The following UST variants were observed in gnomAD, a reference collection of about 807,000 sequenced individuals.
The protein encoded by UST is chondroitin sulfate 2-O-sulfotransferase.
In UST, 21 loss-of-function variants were observed where a neutral mutation model predicts 45.6. The observed-to-expected ratio is 0.46, with a 90% CI of 0.33 to 0.66. The LOEUF (loss-of-function observed/expected upper bound fraction) is 0.66, where lower values mean the gene tolerates loss of function less well. Among genes scored for constraint, UST ranks in the 30% least tolerant of loss-of-function variants. The pLI is 0.02. For missense variants in UST, 463 were observed against 512.4 expected, an observed-to-expected ratio of 0.90 and a Z score of 0.93; for synonymous variants, 215 against 200.6, an observed-to-expected ratio of 1.07 and a Z score of -0.61.
chr6:149,072,229 T>A (rs1272015215), intron 7 of UST, among the ~76,000 whole-genome samples: 1 of 152,210 alleles, frequency 6.6e-6, no homozygotes, highest in Non-Finnish European at 1.5e-5. Flanking sequence ...AAACAGGGAC[T>A]CAGATACTAG....
chr6:148,917,735 A>G (rs1779616543), intron 2 of UST, among the ~76,000 whole-genome samples: 1 of 152,216 alleles, frequency 6.6e-6, no homozygotes, highest in African/African-American at 2.4e-5. Flanking sequence ...GGGCTGAGGC[A>G]TCTCCCACAG....
At chr6:149,068,506 G>A (rs2115045630) in intron 7 of UST, among the ~76,000 whole-genome samples, 1 of 152,292 alleles carries the variant, frequency 6.6e-6, no homozygotes, top group South Asian at 2.1e-4. Context: ...CAAAGCATTA[G>A]GCTCAGCCAG....
intron 1 of UST, among the ~76,000 whole-genome samples, chr6:148,792,715 G>A (rs2114705847): frequency 6.6e-6 from 1 of 152,284 alleles, no homozygotes; most frequent in South Asian, 2.1e-4. Flanking sequence ...TATATGTGGG[G>A]AGAGACAAAT....
chr6:148,884,239 GAGTT>G (rs1340405087), intron 1 of UST, among the ~76,000 whole-genome samples: 1 of 152,082 alleles, frequency 6.6e-6, no homozygotes, highest in African/African-American at 2.4e-5. Context: ...TTGGTATAAA[GAGTT>G]AGTTAATGTG....
intron 5 of UST, among the ~76,000 whole-genome samples, chr6:149,018,687 A>T (rs1775939855): frequency 6.6e-6 from 1 of 152,190 alleles, no homozygotes; most frequent in African/African-American, 2.4e-5. Flanking sequence ...AAAATTTGCA[A>T]ACTCTTATGA....
chr6:148,838,813 G>A (rs745345918), intron 1 of UST, among the ~76,000 whole-genome samples: 12 of 151,952 alleles, frequency 7.9e-5, no homozygotes, highest in Non-Finnish European at 1.6e-4. Flanking sequence ...GAGTAGAGGC[G>A]GGAGACCAGT....
At chr6:149,000,194 TA>T (rs1781521003) in intron 5 of UST, among the ~76,000 whole-genome samples, 1 of 152,180 alleles carries the variant, frequency 6.6e-6, no homozygotes, top group Non-Finnish European at 1.5e-5. Flanking sequence ...AAGTTAAACG[TA>T]GCAACTGCTC....
intron 7 of UST, among the ~76,000 whole-genome samples, chr6:149,051,859 T>C (rs959653001): frequency 1.3e-5 from 2 of 152,186 alleles, no homozygotes; most frequent in African/African-American, 2.4e-5. Context: ...CAAGAAGATA[T>C]AGTAGAAGAT....
At chr6:149,058,345 ATGTGTGTGTGTGTGTGTGTGTGTGTGTG>A (rs56994081) in intron 7 of UST, among the ~76,000 whole-genome samples, 9 of 119,702 alleles carry the variant, frequency 7.5e-5, no homozygotes, top group Non-Finnish European at 1.7e-4. Flanking sequence ...AAGGAGGAGC[ATGTGTGTGTGTGTGTGTGTGTGTGTGTG>A]TGTGTGTGTG....
intron 2 of UST, among the ~76,000 whole-genome samples, chr6:148,936,463 G>T (rs987316699): frequency 2.0e-5 from 3 of 151,260 alleles, no homozygotes; most frequent in Admixed American, 2.0e-4. Context: ...CACAGCCAGA[G>T]TAAAAGACAG....
intron 7 of UST, among the ~76,000 whole-genome samples, chr6:149,036,729 T>C (rs775605002): frequency 1.5e-4 from 23 of 152,248 alleles, no homozygotes; most frequent in Non-Finnish European, 2.8e-4. Context: ...ATTATAGTAC[T>C]GGTAAAATTT....
intron 1 of UST, among the ~76,000 whole-genome samples, chr6:148,747,891 G>C (rs1334056865): frequency 6.6e-6 from 1 of 152,106 alleles, no homozygotes; most frequent in Non-Finnish European, 1.5e-5. Flanking sequence ...GGGCGCCGCT[G>C]GGTTGCGCTG....
intron 1 of UST, among the ~76,000 whole-genome samples, chr6:148,765,083 G>A (rs1776297556): frequency 6.6e-6 from 1 of 152,170 alleles, no homozygotes; most frequent in African/African-American, 2.4e-5. Flanking sequence ...CCCATTTTGG[G>A]TAATAAGAGA....
intron 1 of UST, among the ~76,000 whole-genome samples, chr6:148,832,371 G>A (rs1469072814): frequency 6.6e-6 from 1 of 152,148 alleles, no homozygotes; most frequent in African/African-American, 2.4e-5. Context: ...GCCAAGTTTT[G>A]GTGTGCATAT....
At chr6:149,001,725 A>T (rs989525820) in intron 5 of UST, among the ~76,000 whole-genome samples, 1 of 152,224 alleles carries the variant, frequency 6.6e-6, no homozygotes, top group East Asian at 1.9e-4. Context: ...GGGGGAAATT[A>T]AGGTACAAGG....
At chr6:149,070,861 G>A (rs535331119) in intron 7 of UST, among the ~76,000 whole-genome samples, 4 of 152,176 alleles carry the variant, frequency 2.6e-5, no homozygotes, top group South Asian at 2.1e-4. Flanking sequence ...TCTGCCTCCC[G>A]GGTTCAAGCA....
At chr6:148,853,027 G>A (rs576247942) in intron 1 of UST, among the ~76,000 whole-genome samples, 1 of 152,262 alleles carries the variant, frequency 6.6e-6, no homozygotes, top group African/African-American at 2.4e-5. Context: ...GTAAACGTGT[G>A]CCGTGGTGGT....
At chr6:148,887,221 G>A (rs1462997126) in intron 2 of UST, among the ~76,000 whole-genome samples, 192 bp downstream of exon 2, 1 of 152,256 alleles carries the variant, frequency 6.6e-6, no homozygotes, top group Non-Finnish European at 1.5e-5. Context: ...ACAGGGAGAA[G>A]GAGCCATTGT....
intron 7 of UST, among the ~76,000 whole-genome samples, chr6:149,068,378 C>G (rs955030015): frequency 6.6e-6 from 1 of 152,186 alleles, no homozygotes; most frequent in Non-Finnish European, 1.5e-5. Context: ...TATAAAATGG[C>G]TCTTCCATCA....
Sources: allele counts gnomAD v4.1 joint callset (sites outside exome capture counted in the v4.1 genomes callset), GRCh38; gene constraint gnomAD v4.1.1; transcripts MANE v1.5; gene names NCBI Gene and HGNC (gene_info 2026-07-23, HGNC 2026-07-21).